SLC15A2: variants seen among roughly 807,000 people sequenced by gnomAD.
SLC15A2 encodes the protein kidney H(+)/peptide cotransporter.
Under a neutral mutation model 95.5 loss-of-function variants are expected in SLC15A2, and 77 were observed. The ratio of observed to expected loss-of-function variants is 0.81; its 90% CI spans 0.67 to 0.97. The LOEUF (loss-of-function observed/expected upper bound fraction) is 0.97, where lower values mean the gene tolerates loss of function less well. Ranked by LOEUF, SLC15A2 falls within the 50% of genes least tolerant of loss-of-function variation. SLC15A2 has a pLI of 0.00. For missense variants in SLC15A2, 893 were observed against 874.4 expected (o/e 1.02, Z -0.27); for synonymous variants, 306 against 306.9 (o/e 1.00, Z 0.03).
chr3:121,899,614 T>C (rs1199141930), intron 3 of SLC15A2, among the ~76,000 whole-genome samples: 1 of 152,178 alleles, frequency 6.6e-6, no homozygotes, highest in Non-Finnish European at 1.5e-5. Context: ...AGTAATATAA[T>C]ATAATGCAAT....
chr3:121,896,901 C>CA (rs71133581), intron 2 of SLC15A2, among the ~76,000 whole-genome samples: 184 of 88,138 alleles, frequency 2.1e-3, no homozygotes, highest in African/African-American at 4.2e-3. Context: ...AACTCATCTC[C>CA]AAAAAAAAAA....
intron 3 of SLC15A2, among the ~76,000 whole-genome samples, chr3:121,905,243 C>A (rs1479430607): frequency 6.6e-6 from 1 of 151,926 alleles, no homozygotes; most frequent in Non-Finnish European, 1.5e-5. Flanking sequence ...TCTCTCTTTT[C>A]TTCTTTATTA....
At chr3:121,922,122 G>A in intron 7 of SLC15A2, 98 bp from the exon 8 acceptor site, 2 of 885,088 alleles carry the variant, frequency 2.3e-6, no homozygotes, top group Non-Finnish European at 3.6e-6. Context: ...AAAAGTTATT[G>A]TGGTTTTTGC....
chr3:121,914,672 A>G (rs1337040057), intron 5 of SLC15A2, among the ~76,000 whole-genome samples: 5 of 152,190 alleles, frequency 3.3e-5, no homozygotes, highest in Non-Finnish European at 5.9e-5. Flanking sequence ...TGTGCTAGGT[A>G]TTGGTGATTA....
chr3:121,907,861 G>A (rs112173275), intron 3 of SLC15A2, among the ~76,000 whole-genome samples: 5,803 of 152,336 alleles, frequency 0.038, 150 homozygotes, highest in Non-Finnish European at 0.056. Flanking sequence ...CAGTCTGTCC[G>A]TTCTCAGAGC....
In SLC15A2 at chr3:121,912,875, A is replaced by G. The variant is rs557923765; in HGVS notation, c.429-146A>G. ...TGACCATGAATACCTCCTAGGAATA[A>G]AGGCAAATGGAAAGTACCCATGGGG... On this transcript the variant is annotated intron_variant, in intron 4 of 21. Coordinates refer to ENST00000489711, the MANE Select transcript of SLC15A2 (RefSeq NM_021082.4). 389 of 607,732 alleles carry G rather than the reference A, an allele frequency of 6.4e-4. 2 individuals are homozygous for G. Among genetic ancestry groups the G allele is most frequent in the South Asian group, 1.4e-3 (58 of 40,126 alleles). The allele number at this position is 607,732 out of a possible 1,614,324, so 37.6% of individuals were successfully genotyped here. A position where few individuals can be genotyped will look rare whatever the true frequency, so the allele number is the denominator to read the frequency against.
chr3:121,915,336 G>A lies in SLC15A2; in HGVS notation c.619+19G>A. 3 of 1,558,130 alleles carry A rather than the reference G, an allele frequency of 1.9e-6. No individual in the cohort carries two copies. The highest frequency in any genetic ancestry group is 1.1e-5 in the South Asian group (1 of 90,074). On this transcript the variant is annotated intron_variant, in intron 6 of 21. Coordinates refer to ENST00000489711, the MANE Select transcript of SLC15A2 (RefSeq NM_021082.4). ...CTGAGAGGTTAGGATTTTTTTGAGG[G>A]GCCCTGTATAAGGCTTTGCTCTGGT...
chr3:121,901,191 G>A (rs1709513456), intron 3 of SLC15A2, among the ~76,000 whole-genome samples: 1 of 151,934 alleles, frequency 6.6e-6, no homozygotes, highest in South Asian at 2.1e-4. Context: ...GCTAATTTTT[G>A]TATTTTTAGT....
chr3:121,896,806 T>A (rs1398028888), intron 2 of SLC15A2, among the ~76,000 whole-genome samples: 1 of 150,698 alleles, frequency 6.6e-6, no homozygotes, highest in Non-Finnish European at 1.5e-5. Context: ...GGAGGATTGC[T>A]TGGGCCCAGG....
chr3:121,913,531 A>C (rs1709817582), intron 5 of SLC15A2, among the ~76,000 whole-genome samples: 1 of 152,206 alleles, frequency 6.6e-6, no homozygotes, highest in Admixed American at 6.5e-5. Context: ...AGTTTACTCT[A>C]ACTTGAGGTA....
intron 3 of SLC15A2, among the ~76,000 whole-genome samples, chr3:121,906,676 G>C (rs1709652567): frequency 6.6e-6 from 1 of 152,184 alleles, no homozygotes; most frequent in Non-Finnish European, 1.5e-5. Flanking sequence ...TAAGAATGTT[G>C]AATATTGGCC....
At position 121,902,051 on chromosome 3, in the gene SLC15A2, C is replaced by G. The variant is rs189700315; in HGVS notation, c.335+4522C>G. On this transcript the variant is annotated intron_variant, in intron 3 of 21. Coordinates refer to ENST00000489711, the MANE Select transcript of SLC15A2 (RefSeq NM_021082.4). Reference sequence around the variant, plus strand: ...TAAGAGGAAATGGGCATCCAGAGTCCCTGACTCTTGTTTAAGGAACTCCCT... The same window carrying G: ...TAAGAGGAAATGGGCATCCAGAGTCGCTGACTCTTGTTTAAGGAACTCCCT... Among the ~76,000 whole-genome samples the G allele has an allele frequency of 1.1e-3, 163 of 152,226 alleles. 1 individual carries two copies. The highest frequency in any genetic ancestry group is 3.2e-3 in the African/African-American group (135 of 41,540).
Position 121,909,019 on chromosome 3 carries a change from A to G in SLC15A2, c.336-2555A>G, listed in dbSNP as rs894083860. 2.1e-4 allele frequency among the ~76,000 whole-genome samples: 32 copies of G among 152,094 alleles called. 1 individual carries two copies. Among genetic ancestry groups the G allele is most frequent in the Non-Finnish European group, 4.7e-4 (32 of 67,998 alleles). ...AAGACCCCATCTCTACAATAAAAAAAAAGTCACTGTTCATTTATTTATTTT... is the reference window on the plus strand; with the variant it reads ...AAGACCCCATCTCTACAATAAAAAAGAAGTCACTGTTCATTTATTTATTTT... On this transcript the variant is annotated intron_variant, in intron 3 of 21. Coordinates refer to ENST00000489711, the MANE Select transcript of SLC15A2 (RefSeq NM_021082.4).
At chr3:121,928,645 C>T in intron 15 of SLC15A2, 90 bp downstream of exon 15, 2 of 1,385,318 alleles carry the variant, frequency 1.4e-6, no homozygotes, top group Non-Finnish European at 2.0e-6. Context: ...AAGCATCTTC[C>T]CATGTCTTTA....
rs1290126341 is a variant in SLC15A2, at chr3:121,936,594, AT to A, written c.1762-2744del. ...CAGAGACTAGGATTGCAACCCCTGC[AT>A]TTTTTTTTTTCCATTTGCTTGGTAG... On this transcript the variant is annotated intron_variant, in intron 19 of 21. Transcript: ENST00000489711. Among the ~76,000 whole-genome samples the A allele has an allele frequency of 8.4e-3, 1,208 of 143,256 alleles. 9 individuals carry two copies. The highest frequency in any genetic ancestry group is 0.023 in the African/African-American group (908 of 39,278). The allele number at this position is 143,256 out of a possible 152,430, so 94.0% of individuals were successfully genotyped here.
chr3:121,923,318 A>G, intron 11 of SLC15A2, 52 bp downstream of exon 11: 4 of 1,546,702 alleles, frequency 2.6e-6, no homozygotes, highest in South Asian at 1.2e-5. Flanking sequence ...CATCATCCAT[A>G]TTGGGGAAAA....
In SLC15A2 at chr3:121,931,640, T is replaced by C; in HGVS notation, c.1666T>C (p.Tyr556His). ...TAACCTAAATTCATCCTGTTCCAGA[T>C]ACCCTGCAGTGCACTGTAGAACAGA... ...SAYRTVQRGE[Y>H]PAVHCRTEDK... Residue 556 changes from tyrosine (Y) to histidine (H), a missense_variant and splice_region_variant, in exon 19 of 22, where the codon TAC (tyrosine) becomes CAC (histidine). Tyr to His is a moderately conservative substitution (Grantham distance 83). Coordinates refer to ENST00000489711, the MANE Select transcript of SLC15A2 (RefSeq NM_021082.4). 1 of 1,604,524 alleles carries C rather than the reference T, an allele frequency of 6.2e-7. No individual in the cohort carries two copies. The highest frequency in any genetic ancestry group is 2.2e-5 in the East Asian group (1 of 44,800).
intron 3 of SLC15A2, among the ~76,000 whole-genome samples, chr3:121,899,560 T>C (rs1010086859): frequency 2.0e-5 from 3 of 152,182 alleles, no homozygotes; most frequent in Admixed American, 6.5e-5. Flanking sequence ...TAATCCTCTG[T>C]ATGTGTTGCC....
At chr3:121,932,225 C>T (rs1274888416) in intron 19 of SLC15A2, among the ~76,000 whole-genome samples, 2 of 152,078 alleles carry the variant, frequency 1.3e-5, no homozygotes, top group Non-Finnish European at 2.9e-5. Context: ...TTAGAAAGCC[C>T]ACTGTCTCTG....
Sources: gnomAD v4.1 joint callset for allele counts (sites outside exome capture counted in the v4.1 genomes callset) on GRCh38, gnomAD v4.1.1 for gene constraint, MANE v1.5 for transcripts, NCBI Gene and HGNC (gene_info 2026-07-23, HGNC 2026-07-21) for gene names.